DNAH9: variants seen among roughly 807,000 people sequenced by gnomAD.
The protein encoded by DNAH9 is dynein axonemal heavy chain 9.
Under a neutral mutation model 471.6 loss-of-function variants are expected in DNAH9, and 345 were observed. The observed-to-expected ratio is 0.73, with a 90% confidence interval of 0.67 to 0.80. DNAH9 has a LOEUF of 0.80. Among genes scored for constraint, DNAH9 ranks in the 30% least tolerant of loss-of-function variants. The pLI, the probability that DNAH9 is intolerant of heterozygous loss-of-function variation, is 0.00. For missense variants in DNAH9, 5,407 were observed against 5,609.2 expected (o/e 0.96, Z 1.15); for synonymous variants, 2,093 against 2,123.6 (o/e 0.99, Z 0.40).
intron 28 of DNAH9, among the ~76,000 whole-genome samples, chr17:11,735,423 T>C (rs1172899615): frequency 6.6e-6 from 1 of 152,082 alleles, no homozygotes; most frequent in South Asian, 2.1e-4. Flanking sequence ...TTTTTTGTTT[T>C]GTTTTTTTGT....
intron 68 of DNAH9, 24 bp from the exon 69 acceptor site, chr17:11,969,276 C>G (rs564954780): frequency 6.2e-7 from 1 of 1,606,898 alleles, no homozygotes; most frequent in South Asian, 1.1e-5. Flanking sequence ...ATCTAAGGTG[C>G]CTCTTCTCAT....
intron 50 of DNAH9, among the ~76,000 whole-genome samples, chr17:11,855,855 T>C (rs188967810): frequency 6.6e-6 from 1 of 152,350 alleles, no homozygotes; most frequent in East Asian, 1.9e-4. Flanking sequence ...TAATATTTAC[T>C]GATCGTGTGA....
Position 11,619,584 on chromosome 17 carries a change from A to G in DNAH9, c.1153A>G (p.Ser385Gly). The change falls in exon 6 of 69, where the codon AGT becomes GGT. Residue 385 changes from serine to glycine, a missense_variant. Ser to Gly is a moderately conservative substitution (Grantham distance 56). This residue lies in a region of DNAH9 where 767 missense variants were observed against 692.5 expected (regional missense o/e 1.11). Transcript: ENST00000262442. ...NYLSPEDLLR[S>G]EVEESQRKLQ... ...TCTCAGCCCAGAAGACCTGCTGAGA[A>G]GTGAGGTAGAAGAAAGTCAGAGAAA... is the stretch of plus-strand genomic sequence containing the variant. The G allele has an allele frequency of 1.2e-6, 2 of 1,614,020 alleles. No individual in the cohort carries two copies. The highest frequency in any genetic ancestry group is 1.7e-6 in the Non-Finnish European group (2 of 1,179,864).
chr17:11,650,050 C>T (rs758153742), intron 12 of DNAH9, among the ~76,000 whole-genome samples: 2 of 152,204 alleles, frequency 1.3e-5, no homozygotes, highest in Non-Finnish European at 2.9e-5. Flanking sequence ...AATAGCCCCA[C>T]ATCTTTCTTT....
At chr17:11,873,324 G>A (rs1972353928) in intron 52 of DNAH9, 1 of 152,106 alleles carries the variant, frequency 6.6e-6, no homozygotes, top group Non-Finnish European at 1.5e-5. Flanking sequence ...TGAGACCTAC[G>A]GATTCTTTCT....
At chr17:11,797,314 C>G (rs1969279613) in intron 42 of DNAH9, among the ~76,000 whole-genome samples, 1 of 152,176 alleles carries the variant, frequency 6.6e-6, no homozygotes, top group African/African-American at 2.4e-5. Flanking sequence ...CCATTCTTCT[C>G]ACAGAAGCAC....
At chr17:11,852,542 C>A (rs141976533) in intron 49 of DNAH9, among the ~76,000 whole-genome samples, 84 of 152,094 alleles carry the variant, frequency 5.5e-4, no homozygotes, top group Admixed American at 1.9e-3. Flanking sequence ...GAGCTCAGCC[C>A]AGTACCTGGA....
Position 11,905,513 on chromosome 17 carries a change from G to A in DNAH9, c.11601-148G>A, listed in dbSNP as rs934139911. Reference sequence around the variant, plus strand: ...AGGTTGTGTGTTGACTTAATAAGCAGTGGACTTGGAGCCAGTCCTAGCTCT... The same window carrying A: ...AGGTTGTGTGTTGACTTAATAAGCAATGGACTTGGAGCCAGTCCTAGCTCT... On this transcript the variant is annotated intron_variant, in intron 60 of 68. Transcript: ENST00000262442. 5.1e-6 allele frequency: 4 copies of A among 782,966 alleles called. No homozygotes were observed. The African/African-American group carries it at 5.2e-5, about 10-fold the overall frequency. 48.5% of individuals were successfully genotyped at this position (782,966 alleles called of 1,614,324 possible).
chr17:11,834,216 C>T (rs1237365967), intron 48 of DNAH9, among the ~76,000 whole-genome samples: 1 of 150,806 alleles, frequency 6.6e-6, no homozygotes, highest in African/African-American at 2.4e-5. Context: ...GTAGTTCCAG[C>T]TACCTGAGAG....
intron 24 of DNAH9, 90 bp from the exon 25 acceptor site, chr17:11,704,090 GATGGGGCTCATGTCACCCACACA>G (rs1415704917): frequency 1.0e-5 from 12 of 1,183,406 alleles, no homozygotes; most frequent in Non-Finnish European, 1.3e-5. Context: ...AAGAGGGAGG[GATGGGGCTCATGTCACCCACACA>G]ATTACATCCT....
chr17:11,849,610 G>T (rs1279313609), intron 49 of DNAH9, among the ~76,000 whole-genome samples: 2 of 152,198 alleles, frequency 1.3e-5, no homozygotes. Flanking sequence ...AGTCTGTAGA[G>T]CTGGCCATTT....
At chr17:11,809,945 C>A (rs1376680715) in intron 44 of DNAH9, among the ~76,000 whole-genome samples, 1 of 152,084 alleles carries the variant, frequency 6.6e-6, no homozygotes. Context: ...AGAAGCTTTA[C>A]CCTAAAGCCT....
chr17:11,954,223 T>G (rs2151443743), intron 67 of DNAH9, among the ~76,000 whole-genome samples: 2 of 150,918 alleles, frequency 1.3e-5, no homozygotes, highest in South Asian at 2.1e-4. Context: ...CCCAAAAGGA[T>G]GGGGTTGTTG....
intron 59 of DNAH9, among the ~76,000 whole-genome samples, chr17:11,897,908 C>G (rs528973607): frequency 2.0e-5 from 3 of 152,254 alleles, no homozygotes; most frequent in Non-Finnish European, 1.5e-5. Context: ...GTCGTGGAGG[C>G]TGAAAGCTGA....
chr17:11,637,257 A>G (rs2150680759), intron 9 of DNAH9, among the ~76,000 whole-genome samples: 1 of 152,276 alleles, frequency 6.6e-6, no homozygotes, highest in African/African-American at 2.4e-5. Flanking sequence ...TTTTATTATG[A>G]TGCTGCGTGT....
chr17:11,736,184 T>A (rs2075342947), intron 28 of DNAH9, among the ~76,000 whole-genome samples: 1 of 152,180 alleles, frequency 6.6e-6, no homozygotes, highest in Non-Finnish European at 1.5e-5. Context: ...GATCTGAGAC[T>A]ACCTATCTTA....
In DNAH9 at chr17:11,690,415, T is replaced by C. The variant is rs2074315295; in HGVS notation, c.4593T>C (p.Asp1531=). Residue 1531 remains aspartate (D), a synonymous_variant, in exon 20 of 69, where the codon GAT becomes GAC. Transcript: ENST00000262442. ...HLESIFTGSE[D]IRAQLPQDSK... ...AAAGCATATTCACTGGATCTGAAGATATTCGGGCACAGCTACCCCAGGTAC... is the reference window on the plus strand; with the variant it reads ...AAAGCATATTCACTGGATCTGAAGACATTCGGGCACAGCTACCCCAGGTAC... 6.2e-7 allele frequency: 1 copy of C among 1,613,716 alleles called. No individual in the cohort carries two copies. Among genetic ancestry groups the C allele is most frequent in the Non-Finnish European group, 8.5e-7 (1 of 1,179,602 alleles).
intron 7 of DNAH9, 99 bp downstream of exon 7, chr17:11,629,683 C>A (rs2073031820): frequency 6.3e-6 from 7 of 1,116,922 alleles, no homozygotes; most frequent in African/African-American, 4.7e-5. Flanking sequence ...CTGTGTATTT[C>A]CTTTGGCTCT....
intron 1 of DNAH9, among the ~76,000 whole-genome samples, chr17:11,605,768 G>C (rs995993806): frequency 2.6e-5 from 4 of 151,338 alleles, no homozygotes; most frequent in Non-Finnish European, 5.9e-5. Context: ...GCCTCTCAGT[G>C]CTGGGATACA....
Sources: gnomAD v4.1 joint callset for allele counts (sites outside exome capture counted in the v4.1 genomes callset) on GRCh38, gnomAD v4.1.1 for gene constraint, gnomAD v4.1.1 regional missense constraint, MANE v1.5 for transcripts, NCBI Gene and HGNC (gene_info 2026-07-23, HGNC 2026-07-21) for gene names.